Variants in ZNF490 observed in about 807,000 individuals in gnomAD.
The protein encoded by ZNF490 is zinc finger protein 490.
A neutral mutation model predicts 17.7 loss-of-function variants in ZNF490; 11 were observed. That is an observed-to-expected ratio of 0.62 (90% confidence interval 0.39 to 1.03). The LOEUF (loss-of-function observed/expected upper bound fraction) is 1.03, where lower values mean the gene tolerates loss of function less well. ZNF490 is among the 50% of genes least tolerant of loss of function. ZNF490 has a pLI of 0.00. For synonymous variants in ZNF490, 222 were observed against 216.1 expected (o/e 1.03, Z -0.24); for missense variants, 542 against 643.4 (o/e 0.84, Z 1.71).
intron 2 of ZNF490, among the ~76,000 whole-genome samples, chr19:12,583,791 C>CTCTCTCTCTCTA (rs1315571249): frequency 4.1e-4 from 28 of 68,108 alleles, no homozygotes; most frequent in Non-Finnish European, 6.8e-4. Context: ...CTCTCTCTCT[C>CTCTCTCTCTCTA]TATATATATA....
chr19:12,602,826 A>G (rs1030381949), intron 2 of ZNF490, among the ~76,000 whole-genome samples: 3 of 151,890 alleles, frequency 2.0e-5, no homozygotes, highest in Admixed American at 6.6e-5. Flanking sequence ...AGGTTTCGCC[A>G]TGTTGGCCAG....
intron 2 of ZNF490, among the ~76,000 whole-genome samples, chr19:12,589,694 G>C (rs2022844118): frequency 6.6e-6 from 1 of 150,690 alleles, no homozygotes; most frequent in Non-Finnish European, 1.5e-5. Flanking sequence ...TTCTTGCCTT[G>C]GCCCCGCAAG....
chr19:12,578,462 G>A lies in ZNF490; in HGVS notation c.*2023C>T, dbSNP rs912488568. The A allele has an allele frequency of 1.2e-5, 12 of 985,416 alleles. No homozygotes were observed. Among genetic ancestry groups the A allele is most frequent in the East Asian group, 1.1e-4 (1 of 8,810 alleles). 61.0% of individuals were successfully genotyped at this position (985,416 alleles called of 1,614,324 possible). ...AGTCTCTCACCTCAGAGCCACCTGC[G>A]GTTGCCACAGAGAAATTCAGATGTG... On this transcript the variant is annotated 3_prime_UTR_variant, in exon 5 of 5. Transcript: ENST00000311437.
chr19:12,604,553 T>C (rs974369693), intron 2 of ZNF490, among the ~76,000 whole-genome samples: 1 of 152,040 alleles, frequency 6.6e-6, no homozygotes, highest in South Asian at 2.1e-4. Context: ...ATCCAGCTAC[T>C]TGAGAGACTG....
chr19:12,601,242 G>C, intron 2 of ZNF490, among the ~76,000 whole-genome samples: 1 of 151,752 alleles, frequency 6.6e-6, no homozygotes, highest in South Asian at 2.1e-4. Flanking sequence ...CAAAAAATTA[G>C]CCAGGCGTGG....
chr19:12,577,800 CTG>C lies in ZNF490; in HGVS notation c.*2683_*2684del, dbSNP rs1364918392. The C allele has an allele frequency of 2.0e-6, 2 of 985,400 alleles. No individual in the cohort carries two copies. The highest frequency in any genetic ancestry group is 1.7e-5 in the African/African-American group (1 of 57,252). 61.0% of individuals were successfully genotyped at this position (985,400 alleles called of 1,614,324 possible). On this transcript the variant is annotated 3_prime_UTR_variant, in exon 5 of 5. Coordinates refer to ENST00000311437, the MANE Select transcript of ZNF490 (RefSeq NM_020714.3). ...CACTTCTGGGACCCACCCAGGGAGA[CTG>C]TTGTTACGAGGGTGGATGGTGACCT...
chr19:12,609,121 G>T, intron 2 of ZNF490, 37 bp downstream of exon 2: 2 of 1,610,470 alleles, frequency 1.2e-6, no homozygotes, highest in Non-Finnish European at 1.7e-6. Context: ...TATAAACAAG[G>T]AAGGTAGCCA....
intron 2 of ZNF490, 143 bp from the exon 3 acceptor site, chr19:12,583,699 T>A: frequency 1.5e-6 from 1 of 654,384 alleles, no homozygotes; most frequent in South Asian, 3.0e-5. Flanking sequence ...TCTTGACTCT[T>A]TCCATACTCA....
At chr19:12,597,516 T>C (rs1156279582) in intron 2 of ZNF490, among the ~76,000 whole-genome samples, 1 of 152,140 alleles carries the variant, frequency 6.6e-6, no homozygotes, top group Non-Finnish European at 1.5e-5. Flanking sequence ...TATTCAGTAG[T>C]GTTAAGTGTA....
intron 2 of ZNF490, among the ~76,000 whole-genome samples, chr19:12,608,321 T>C (rs1390901146): frequency 6.6e-6 from 1 of 152,176 alleles, no homozygotes; most frequent in African/African-American, 2.4e-5. Context: ...TCTCGCTCTG[T>C]TGCCCAGGCT....
At chr19:12,595,621 AG>A (rs1156593703) in intron 2 of ZNF490, among the ~76,000 whole-genome samples, 1 of 151,932 alleles carries the variant, frequency 6.6e-6, no homozygotes, top group Non-Finnish European at 1.5e-5. Flanking sequence ...CTCAAATTGT[AG>A]GTTATGGGCC....
rs1296118613 is a variant in ZNF490, at chr19:12,578,736, C to T, written c.*1749G>A. 36 of 985,320 alleles carry T rather than the reference C, an allele frequency of 3.7e-5. No individual in the cohort carries two copies. Among genetic ancestry groups the T allele is most frequent in the Non-Finnish European group, 4.3e-5 (36 of 829,958 alleles). 61.0% of individuals were successfully genotyped at this position (985,320 alleles called of 1,614,324 possible). The stretch of plus-strand genomic sequence containing the variant: ...ATTCTGGGAGTCTTCTCACTTCTCT[C>T]CAGTCATGTGTGAGAGCTGAGGGCA... On this transcript the variant is annotated 3_prime_UTR_variant, in exon 5 of 5. Transcript: ENST00000311437.
chr19:12,596,071 C>A (rs1440944239), intron 2 of ZNF490, among the ~76,000 whole-genome samples: 2 of 151,984 alleles, frequency 1.3e-5, no homozygotes, highest in Non-Finnish European at 2.9e-5. Context: ...TCGAGAACAG[C>A]CTGGTCAATA....
chr19:12,581,647 A>G lies in ZNF490; in HGVS notation c.428T>C (p.Leu143Pro), dbSNP rs751518717. ...AGTAGGAGTTTCCAGGTTCGTATTA[A>G]GATCAGGAATCTGGCTAGTGCTTTT... ...CGKSTSQIPD[L>P]NTNLETPTGL... The change falls in exon 5 of 5, where the codon CTT (leucine) becomes CCT (proline). Residue 143 changes from leucine to proline, a missense_variant. Transcript: ENST00000311437. 23 of 1,614,200 alleles carry G rather than the reference A, an allele frequency of 1.4e-5. No homozygotes were observed. Among genetic ancestry groups the G allele is most frequent in the Non-Finnish European group, 1.9e-5 (23 of 1,180,034 alleles).
chr19:12,578,346 T>G lies in ZNF490; in HGVS notation c.*2139A>C, dbSNP rs779198275. ...CTAGCAGTTTTGAGATTATTCTGACTGTGGTGGTTGGTGCAGGGCTGGTAA... is the reference window on the plus strand; with the variant it reads ...CTAGCAGTTTTGAGATTATTCTGACGGTGGTGGTTGGTGCAGGGCTGGTAA... On this transcript the variant is annotated 3_prime_UTR_variant, in exon 5 of 5. Coordinates refer to ENST00000311437, the MANE Select transcript of ZNF490 (RefSeq NM_020714.3). 1 of 985,534 alleles carries G rather than the reference T, an allele frequency of 1.0e-6. No individual in the cohort carries two copies. Among genetic ancestry groups the G allele is most frequent in the Non-Finnish European group, 1.2e-6 (1 of 830,070 alleles). 61.0% of individuals were successfully genotyped at this position (985,534 alleles called of 1,614,324 possible). A position where few individuals can be genotyped will look rare whatever the true frequency, so the allele number is the denominator to read the frequency against.
Position 12,609,171 on chromosome 19 carries a change from ATG to A in ZNF490, c.147_148del (p.Ile50GlnfsTer5). The stretch of plus-strand genomic sequence containing the variant: ...GATCTCACTTACAGTTTGAGTCTTG[ATG>A]CTTTGTCCATGGTGTTCACTGTTCT... On this transcript the variant is annotated frameshift_variant, in exon 2 of 5. Coordinates refer to ENST00000311437, the MANE Select transcript of ZNF490 (RefSeq NM_020714.3). LOFTEE classifies it high-confidence loss of function. 1 of 1,614,144 alleles carries A rather than the reference ATG, an allele frequency of 6.2e-7. No individual in the cohort carries two copies. The highest frequency in any genetic ancestry group is 2.2e-5 in the East Asian group (1 of 44,882).
At chr19:12,598,156 G>A (rs902612060) in intron 2 of ZNF490, among the ~76,000 whole-genome samples, 25 of 151,758 alleles carry the variant, frequency 1.6e-4, no homozygotes, top group African/African-American at 5.1e-4. Flanking sequence ...CCTGGGAGGC[G>A]GAGGTTGCAG....
rs556535656 is a variant in ZNF490, at chr19:12,605,108, G to A, written c.162+4050C>T. Among the ~76,000 whole-genome samples the A allele has an allele frequency of 5.9e-5, 9 of 152,172 alleles. No homozygotes were observed. The South Asian group carries it at 1.5e-3, about 25-fold the overall frequency. On this transcript the variant is annotated intron_variant, in intron 2 of 4. Coordinates refer to ENST00000311437, the MANE Select transcript of ZNF490 (RefSeq NM_020714.3). ...ATGGAGGTTGCAGTGAGCCAAGATCGTGCTGCTACACTCCAGCCTGGCAAC... is the reference window on the plus strand; with the variant it reads ...ATGGAGGTTGCAGTGAGCCAAGATCATGCTGCTACACTCCAGCCTGGCAAC...
At position 12,580,758 on chromosome 19, in the gene ZNF490, G is replaced by C. The variant is rs144564838; in HGVS notation, c.1317C>G (p.Thr439=). ...YSTHFRIHER[T]HTREKPYECK... is the part of the protein sequence containing the mutation. ...ATTCATAGGGTTTCTCTCTAGTATGGGTTCTTTCATGGATTCGAAAGTGAG... is the reference window on the plus strand; with the variant it reads ...ATTCATAGGGTTTCTCTCTAGTATGCGTTCTTTCATGGATTCGAAAGTGAG... The change falls in exon 5 of 5, where the codon ACC becomes ACG. Residue 439 remains threonine (T), a synonymous_variant. Transcript: ENST00000311437. 3.1e-6 allele frequency: 5 copies of C among 1,613,986 alleles called. No individual in the cohort carries two copies. In the African/African-American group the frequency reaches 5.3e-5, roughly 17 times the overall value.
Sources: gnomAD v4.1 joint callset for allele counts (sites outside exome capture counted in the v4.1 genomes callset) on GRCh38, gnomAD v4.1.1 for gene constraint, MANE v1.5 for transcripts, NCBI Gene and HGNC (gene_info 2026-07-23, HGNC 2026-07-21) for gene names.